Variants in ST18 observed in about 807,000 individuals in gnomAD.
The protein encoded by ST18 is ST18 C2H2C-type zinc finger transcription factor.
ST18 carries 50 observed loss-of-function variants against 110.0 expected under a neutral mutation model. The ratio of observed to expected loss-of-function variants is 0.45; its 90% CI spans 0.36 to 0.58. The LOEUF (loss-of-function observed/expected upper bound fraction) is 0.58. Ranked by LOEUF, ST18 falls within the 20% of genes least tolerant of loss-of-function variation. The pLI is 0.00. For missense variants in ST18, 1,306 were observed against 1,280.1 expected, an observed-to-expected ratio of 1.02 and a Z score of -0.31; for synonymous variants, 461 against 452.4, an observed-to-expected ratio of 1.02 and a Z score of -0.24.
intron 23 of ST18, among the ~76,000 whole-genome samples, chr8:52,121,353 C>A (rs1040991222): frequency 6.6e-6 from 1 of 152,188 alleles, no homozygotes; most frequent in Non-Finnish European, 1.5e-5. Context: ...AGTGAAGGAA[C>A]TAATGTTTTT....
At chr8:52,167,395 A>G (rs1317563150) in intron 10 of ST18, among the ~76,000 whole-genome samples, 1 of 152,246 alleles carries the variant, frequency 6.6e-6, no homozygotes, top group African/African-American at 2.4e-5. Flanking sequence ...ACTCAAAATG[A>G]CAAAAACAAA....
At chr8:52,295,411 T>C (rs1361597497) in intron 2 of ST18, among the ~76,000 whole-genome samples, 1 of 152,118 alleles carries the variant, frequency 6.6e-6, no homozygotes, top group African/African-American at 2.4e-5. Context: ...TTTTTTTCCC[T>C]CTCTCTCTAA....
At chr8:52,170,749 T>C (rs760710110) in intron 10 of ST18, among the ~76,000 whole-genome samples, 21 of 152,166 alleles carry the variant, frequency 1.4e-4, no homozygotes, top group Non-Finnish European at 2.5e-4. Flanking sequence ...ATTATCTTGC[T>C]CCTCACTACA....
intron 2 of ST18, among the ~76,000 whole-genome samples, chr8:52,377,129 A>G (rs1052793205): frequency 6.6e-6 from 1 of 152,242 alleles, no homozygotes; most frequent in African/African-American, 2.4e-5. Flanking sequence ...GTACATGGAA[A>G]AAATTGGTGA....
At chr8:52,197,903 A>ACAC (rs2076703321) in intron 8 of ST18, among the ~76,000 whole-genome samples, 1 of 151,796 alleles carries the variant, frequency 6.6e-6, no homozygotes, top group East Asian at 1.9e-4. Context: ...ACACACACAC[A>ACAC]CACACACACA....
At chr8:52,203,352 C>T (rs1489466287) in intron 8 of ST18, among the ~76,000 whole-genome samples, 1 of 152,144 alleles carries the variant, frequency 6.6e-6, no homozygotes, top group Non-Finnish European at 1.5e-5. Context: ...GTGTTCTTTC[C>T]ACCACACAAA....
intron 2 of ST18, among the ~76,000 whole-genome samples, chr8:52,295,466 C>T (rs978627942): frequency 2.6e-5 from 4 of 151,998 alleles, no homozygotes; most frequent in Admixed American, 6.5e-5. Flanking sequence ...TAATGACCTT[C>T]GAAATTCAGA....
At chr8:52,214,178 T>A in intron 7 of ST18, 25 bp downstream of exon 7, 1 of 1,613,596 alleles carries the variant, frequency 6.2e-7, no homozygotes, top group Non-Finnish European at 8.5e-7. Flanking sequence ...GGGCATAGTG[T>A]CATAGAACCT....
At chr8:52,241,329 A>G (rs1241851852) in intron 2 of ST18, among the ~76,000 whole-genome samples, 2 of 152,242 alleles carry the variant, frequency 1.3e-5, no homozygotes, top group Admixed American at 1.3e-4. Flanking sequence ...TGTTTCCTCT[A>G]AACAAAGGTG....
At chr8:52,268,621 A>G (rs555017734) in intron 2 of ST18, among the ~76,000 whole-genome samples, 2 of 152,308 alleles carry the variant, frequency 1.3e-5, no homozygotes, top group Non-Finnish European at 2.9e-5. Context: ...ACAGCAGCTT[A>G]TAGGAACTCT....
chr8:52,354,769 C>A (rs550368072), intron 2 of ST18, among the ~76,000 whole-genome samples: 2 of 152,214 alleles, frequency 1.3e-5, no homozygotes, highest in African/African-American at 4.8e-5. Context: ...AGAAGTTGAG[C>A]AAGAAAGAGA....
At chr8:52,342,118 T>C in intron 2 of ST18, among the ~76,000 whole-genome samples, 1 of 152,310 alleles carries the variant, frequency 6.6e-6, no homozygotes, top group South Asian at 2.1e-4. Context: ...AAACAAATGA[T>C]AAATATGTGA....
At chr8:52,254,856 C>T (rs550504375) in intron 2 of ST18, among the ~76,000 whole-genome samples, 8 of 152,130 alleles carry the variant, frequency 5.3e-5, no homozygotes, top group East Asian at 1.9e-4. Context: ...AAGGCAACAG[C>T]CTAGCAATTA....
Position 52,165,365 on chromosome 8 carries a change from A to G in ST18, c.1205-140T>C, listed in dbSNP as rs533550872. 20 of 768,270 alleles carry G rather than the reference A, an allele frequency of 2.6e-5. No homozygotes were observed. The East Asian group carries it at 4.9e-4, about 19-fold the overall frequency. 47.6% of individuals were successfully genotyped at this position (768,270 alleles called of 1,614,324 possible). ...GCTCTCTCTCTCTATTCAGACACAAACAAGTGAGCATGGAAGAACTTCAGA... is the reference window on the plus strand; with the variant it reads ...GCTCTCTCTCTCTATTCAGACACAAGCAAGTGAGCATGGAAGAACTTCAGA... On this transcript the variant is annotated intron_variant, in intron 11 of 25. Transcript: ENST00000689386.
chr8:52,388,867 A>T lies in ST18; in HGVS notation c.-465+20461T>A, dbSNP rs1236721347. On this transcript the variant is annotated intron_variant, in intron 2 of 25. Transcript: ENST00000689386. ...CTTTAGGAGATATACCTAATGCTAA[A>T]TGATGAGTTAATGGGTGCAGCACAC... Among the ~76,000 whole-genome samples the T allele has an allele frequency of 4.6e-5, 7 of 150,574 alleles. No homozygotes were observed. In the East Asian group the frequency reaches 1.2e-3, roughly 25 times the overall value.
intron 8 of ST18, among the ~76,000 whole-genome samples, chr8:52,198,120 C>T (rs908649510): frequency 6.6e-6 from 1 of 152,158 alleles, no homozygotes; most frequent in African/African-American, 2.4e-5. Context: ...GATTCTCCTG[C>T]CTCAGCCTCC....
At chr8:52,304,190 A>G (rs888882841) in intron 2 of ST18, among the ~76,000 whole-genome samples, 3 of 152,194 alleles carry the variant, frequency 2.0e-5, no homozygotes, top group African/African-American at 4.8e-5. Context: ...AAGAGACTAT[A>G]TTCTTAGATA....
chr8:52,262,896 G>A (rs562262421), intron 2 of ST18, among the ~76,000 whole-genome samples: 1 of 152,226 alleles, frequency 6.6e-6, no homozygotes, highest in Non-Finnish European at 1.5e-5. Flanking sequence ...CATTTGCAAG[G>A]CATAAGTGAC....
chr8:52,293,227 T>C (rs971253437), intron 2 of ST18, among the ~76,000 whole-genome samples: 6 of 152,244 alleles, frequency 3.9e-5, no homozygotes, highest in Admixed American at 1.3e-4. Context: ...GCAGAAACGA[T>C]GCAGTGGAGC....
Sources: gnomAD v4.1 joint callset for allele counts (sites outside exome capture counted in the v4.1 genomes callset) on GRCh38, gnomAD v4.1.1 for gene constraint, MANE v1.5 for transcripts, NCBI Gene and HGNC (gene_info 2026-07-23, HGNC 2026-07-21) for gene names.